The following MACF1 variants were observed in gnomAD, a reference collection of about 807,000 sequenced individuals.
The protein encoded by MACF1 is microtubule actin crosslinking factor 1, also known as microtubule-actin cross-linking factor 1.
MACF1 carries 193 observed loss-of-function variants against 854.8 expected under a neutral mutation model. That is an observed-to-expected ratio of 0.23 (90% CI 0.20 to 0.25). The LOEUF (loss-of-function observed/expected upper bound fraction) is 0.25. Among genes scored for constraint, MACF1 ranks in the 10% least tolerant of loss-of-function variants. MACF1 has a pLI of 1.00. For missense variants in MACF1, 7,722 were observed against 8,929.1 expected (o/e 0.86, Z 5.45); for synonymous variants, 3,185 against 3,226.7 (o/e 0.99, Z 0.44).
chr1:39,337,459 G>A, intron 38 of MACF1, 128 bp downstream of exon 38: 1 of 841,130 alleles, frequency 1.2e-6, no homozygotes. Context: ...TCAGACCCTT[G>A]TCAGATAATT....
chr1:39,194,690 TC>T, intron 2 of MACF1, among the ~76,000 whole-genome samples: 1 of 42,362 alleles, frequency 2.4e-5, no homozygotes, highest in African/African-American at 8.7e-5. Context: ...TCCCCTCCCC[TC>T]CCCTCCCCTC....
chr1:39,261,313 A>AT (rs1264830796), intron 6 of MACF1, among the ~76,000 whole-genome samples: 5 of 152,158 alleles, frequency 3.3e-5, no homozygotes, highest in Non-Finnish European at 4.4e-5. Flanking sequence ...AAATGCATTC[A>AT]TAAAAAAAAC....
intron 6 of MACF1, among the ~76,000 whole-genome samples, chr1:39,258,928 A>G (rs1245731516): frequency 6.6e-6 from 1 of 152,232 alleles, no homozygotes; most frequent in Non-Finnish European, 1.5e-5. Flanking sequence ...CTAGTTTGGA[A>G]GCAATGCTGG....
chr1:39,230,363 C>G (rs1644764326), intron 1 of MACF1, among the ~76,000 whole-genome samples: 1 of 152,038 alleles, frequency 6.6e-6, no homozygotes, highest in African/African-American at 2.4e-5. Flanking sequence ...AGGGGATAGG[C>G]CACGGAGCAT....
In MACF1 at chr1:39,469,740, A is replaced by G. The variant is rs1570195294; in HGVS notation, c.21958+125A>G. 15 of 728,800 alleles carry G rather than the reference A, an allele frequency of 2.1e-5. No homozygotes were observed. In the South Asian group the frequency reaches 2.5e-4, roughly 12 times the overall value. 45.1% of individuals were successfully genotyped at this position (728,800 alleles called of 1,614,324 possible). ...CATTCATGAATGCTTGAAATGGCCA[A>G]ACCATAGCTTTTCTAACTACTCAAG... On this transcript the variant is annotated intron_variant, in intron 97 of 100. Transcript: ENST00000564288.
intron 1 of MACF1, among the ~76,000 whole-genome samples, chr1:39,225,127 T>C (rs1313929004): frequency 6.6e-6 from 1 of 152,038 alleles, no homozygotes; most frequent in Non-Finnish European, 1.5e-5. Flanking sequence ...AAGATTATAG[T>C]GAACTATGAT....
intron 20 of MACF1, among the ~76,000 whole-genome samples, chr1:39,296,752 A>AGG (rs1645912618): frequency 2.4e-5 from 1 of 42,490 alleles, no homozygotes; most frequent in Non-Finnish European, 5.1e-5. Flanking sequence ...GAAAGAAAGA[A>AGG]AGGAAGGAAG....
intron 1 of MACF1, chr1:39,206,973 TGTA>T (rs1644457332): frequency 6.6e-6 from 1 of 151,438 alleles, no homozygotes; most frequent in Non-Finnish European, 1.5e-5. Flanking sequence ...CTTCTTCTGA[TGTA>T]GTCTTTTTTT....
In MACF1 at chr1:39,331,230, G is replaced by C; in HGVS notation, c.4642G>C (p.Asp1548His). The C allele has an allele frequency of 6.9e-7, 1 of 1,446,550 alleles. No individual in the cohort carries two copies. The highest frequency in any genetic ancestry group is 9.3e-7 in the Non-Finnish European group (1 of 1,070,868). 89.6% of individuals were successfully genotyped at this position (1,446,550 alleles called of 1,614,324 possible). A position where few individuals can be genotyped will look rare whatever the true frequency, so the allele number is the denominator to read the frequency against. ...ATGCAGAGCAGTTGCTGGGGTGATTGACCTAGGCACAGTGGAGATATTTCC... is the reference window on the plus strand; with the variant it reads ...ATGCAGAGCAGTTGCTGGGGTGATTCACCTAGGCACAGTGGAGATATTTCC... ...KECRAVAGVIDLGTVEIFPIF... is the reference protein window; with the variant it reads ...KECRAVAGVIHLGTVEIFPIF... Residue 1548 changes from aspartate to histidine, a missense_variant, in exon 37 of 101, where the codon GAC (aspartate) becomes CAC (histidine). Coordinates refer to ENST00000564288, the MANE Select transcript of MACF1 (RefSeq NM_001394062.1).
chr1:39,358,010 T>C, intron 45 of MACF1, 117 bp downstream of exon 45: 1 of 1,072,370 alleles, frequency 9.3e-7, no homozygotes, highest in Non-Finnish European at 1.3e-6. Context: ...AGCTGATTTA[T>C]ACTTGGACCA....
chr1:39,427,599 G>C lies in MACF1; in HGVS notation c.16461G>C (p.Gln5487His). 1.9e-6 allele frequency: 3 copies of C among 1,614,030 alleles called. No individual in the cohort carries two copies. Among genetic ancestry groups the C allele is most frequent in the Non-Finnish European group, 2.5e-6 (3 of 1,179,974 alleles). The stretch of plus-strand genomic sequence containing the variant: ...CTCAGACTGCCAAAATACAGCAGCA[G>C]ATCATTCGGCACAAGGTAGGGAGTG... ...VGTQTAKIQQ[Q>H]IIRHKALEED... The change falls in exon 62 of 101, where the codon CAG becomes CAC. Residue 5487 changes from glutamine (Q) to histidine (H), a missense_variant. Physicochemically the swap from Gln to His is conservative, Grantham distance 24. Transcript: ENST00000564288.
In MACF1 at chr1:39,283,554, T is replaced by G. The variant is rs375432564; in HGVS notation, c.915+39T>G. ...TTCCTAGAAGGCCTTCTGACTTTGA[T>G]TCATTTGGGTGAAATGCATTGGTTA... On this transcript the variant is annotated intron_variant, in intron 9 of 100. Transcript: ENST00000564288. This position sits in a 1 kb window ranked among gnomAD's most constrained non-coding sequence, Gnocchi z 4.5. 3.2e-5 allele frequency: 46 copies of G among 1,425,782 alleles called. 1 individual carries two copies. The highest frequency in any genetic ancestry group is 3.9e-5 in the Non-Finnish European group (39 of 1,009,918). The allele number at this position is 1,425,782 out of a possible 1,614,324, so 88.3% of individuals were successfully genotyped here.
In MACF1 at chr1:39,334,358, T is replaced by A; in HGVS notation, c.7770T>A (p.Gly2590=). 6.2e-7 allele frequency: 1 copy of A among 1,614,016 alleles called. No individual in the cohort carries two copies. Among genetic ancestry groups the A allele is most frequent in the Non-Finnish European group, 8.5e-7 (1 of 1,179,992 alleles). The change falls in exon 37 of 101, where the codon GGT becomes GGA. Residue 2590 remains glycine (G), a synonymous_variant. Coordinates refer to ENST00000564288, the MANE Select transcript of MACF1 (RefSeq NM_001394062.1). The part of the protein sequence containing the change: ...FTGNFVDLIS[G]QRLTLAEAKK... ...GAAACTTTGTGGATCTCATTTCTGG[T>A]CAGAGATTGACCTTGGCAGAAGCTA...
chr1:39,231,225 C>G lies in MACF1; in HGVS notation c.153C>G (p.Val51=). 1 of 1,614,182 alleles carries G rather than the reference C, an allele frequency of 6.2e-7. No homozygotes were observed. The highest frequency in any genetic ancestry group is 2.2e-5 in the East Asian group (1 of 44,892). ...RVQKKTFTKW[V]NKHLMKVRKH... is the part of the protein sequence containing the mutation. ...AGAAGAAAACGTTCACCAAGTGGGT[C>G]AACAAGCACTTAATGAAGGTAGGAC... is the stretch of plus-strand genomic sequence containing the variant. The change falls in exon 2 of 101, where the codon GTC becomes GTG. Residue 51 remains valine, a synonymous_variant. Coordinates refer to ENST00000564288, the MANE Select transcript of MACF1 (RefSeq NM_001394062.1).
intron 6 of MACF1, chr1:39,268,925 A>G: frequency 7.8e-7 from 1 of 1,287,998 alleles, no homozygotes; most frequent in African/African-American, 1.5e-5. Context: ...AGGAAGACGG[A>G]GTGGGAGGGG....
At chr1:39,126,956 G>T (rs1472775574) in intron 2 of MACF1, among the ~76,000 whole-genome samples, 1 of 152,144 alleles carries the variant, frequency 6.6e-6, no homozygotes, top group Non-Finnish European at 1.5e-5. Context: ...TGTTGGCCGG[G>T]TGCCTTGGCT....
At chr1:39,303,431 G>A (rs1434569608) in intron 23 of MACF1, among the ~76,000 whole-genome samples, 1 of 152,014 alleles carries the variant, frequency 6.6e-6, no homozygotes, top group Admixed American at 6.5e-5. Flanking sequence ...CACGCCTGTA[G>A]TCCCAGCTAC....
intron 79 of MACF1, among the ~76,000 whole-genome samples, chr1:39,444,179 C>A (rs1644176831): frequency 6.6e-6 from 1 of 151,872 alleles, no homozygotes; most frequent in South Asian, 2.1e-4. Flanking sequence ...ACTAAAAATA[C>A]AAAAAATTAG....
intron 29 of MACF1, 140 bp downstream of exon 29, chr1:39,317,547 T>C: frequency 1.0e-6 from 1 of 960,654 alleles, no homozygotes; most frequent in Non-Finnish European, 1.5e-6. Flanking sequence ...ACATAAATTC[T>C]GGACAAGTAA....
Sources: gnomAD v4.1 joint callset for allele counts (sites outside exome capture counted in the v4.1 genomes callset) on GRCh38, gnomAD v4.1.1 for gene constraint, Gnocchi (gnomAD v3.1) non-coding constraint, MANE v1.5 for transcripts, NCBI Gene and HGNC (gene_info 2026-07-23, HGNC 2026-07-21) for gene names.